Variants in UNC13C observed in about 807,000 individuals in gnomAD.
UNC13C encodes the protein unc-13 homolog C, also known as protein unc-13 homolog C.
In UNC13C, 174 loss-of-function variants were observed where a neutral mutation model predicts 245.4. The observed-to-expected ratio is 0.71, with a 90% CI of 0.63 to 0.80. UNC13C has a LOEUF of 0.80. UNC13C is among the 30% of genes least tolerant of loss of function. The pLI is 0.00. For synonymous variants in UNC13C, 992 were observed against 895.1 expected (o/e 1.11, Z -1.93); for missense variants, 2,829 against 2,602.9 (o/e 1.09, Z -1.89).
chr15:54,116,577 T>A (rs1391647292), intron 2 of UNC13C, among the ~76,000 whole-genome samples: 1 of 152,138 alleles, frequency 6.6e-6, no homozygotes, highest in Non-Finnish European at 1.5e-5. Flanking sequence ...TAACTTCCAG[T>A]TTCATCCATA....
intron 28 of UNC13C, among the ~76,000 whole-genome samples, chr15:54,552,183 T>A (rs12443186): frequency 9.1e-5 from 13 of 142,666 alleles, no homozygotes; most frequent in Admixed American, 3.1e-4. Context: ...TATTCAACAA[T>A]TTGACATTTT....
chr15:53,885,900 T>C, the UNC13C span, among the ~76,000 whole-genome samples: 1 of 152,172 alleles, frequency 6.6e-6, no homozygotes, highest in African/African-American at 2.4e-5. Flanking sequence ...ATAAGGTTGT[T>C]TCTCGTTGGG....
At chr15:54,334,185 G>A (rs2038514083) in intron 16 of UNC13C, among the ~76,000 whole-genome samples, 1 of 152,076 alleles carries the variant, frequency 6.6e-6, no homozygotes, top group Admixed American at 6.6e-5. Context: ...TCTAATTTTA[G>A]TTTTAACTTA....
intron 5 of UNC13C, among the ~76,000 whole-genome samples, chr15:54,235,833 G>C (rs1456853015): frequency 6.6e-6 from 1 of 152,164 alleles, no homozygotes; most frequent in African/African-American, 2.4e-5. Flanking sequence ...CTGCGTGACA[G>C]AGCGAGACTC....
intron 2 of UNC13C, among the ~76,000 whole-genome samples, chr15:54,125,944 T>A (rs2031008541): frequency 6.6e-6 from 1 of 152,098 alleles, no homozygotes; most frequent in South Asian, 2.1e-4. Flanking sequence ...GTAATTTTTA[T>A]GCAAAAGAAA....
the UNC13C span, among the ~76,000 whole-genome samples, chr15:53,946,819 C>A: frequency 6.6e-5 from 10 of 151,790 alleles, no homozygotes; most frequent in African/African-American, 2.4e-4. Context: ...AGATGTTGAA[C>A]CAACCTTGTA....
chr15:54,259,502 A>C (rs2036368075), intron 8 of UNC13C, among the ~76,000 whole-genome samples: 1 of 152,270 alleles, frequency 6.6e-6, no homozygotes, highest in Non-Finnish European at 1.5e-5. Context: ...ATCAGATCTC[A>C]TGAGACTTAT....
the UNC13C span, among the ~76,000 whole-genome samples, chr15:53,884,814 C>T: frequency 6.6e-6 from 1 of 152,174 alleles, no homozygotes; most frequent in African/African-American, 2.4e-5. Flanking sequence ...TAGTTCCCCC[C>T]TCTTTCCCTT....
At chr15:54,270,303 C>A (rs976082354) in intron 10 of UNC13C, among the ~76,000 whole-genome samples, 1 of 152,158 alleles carries the variant, frequency 6.6e-6, no homozygotes, top group African/African-American at 2.4e-5. Context: ...CTTCCCCTCC[C>A]CTGACAGTTC....
chr15:54,038,114 A>ATTTTTT (rs1896651811), intron 2 of UNC13C, among the ~76,000 whole-genome samples: 1 of 24,334 alleles, frequency 4.1e-5, no homozygotes, highest in Non-Finnish European at 7.1e-5. Context: ...ATATATATAT[A>ATTTTTT]TATATATATA....
chr15:54,175,054 C>G (rs755488930), intron 4 of UNC13C, among the ~76,000 whole-genome samples: 22 of 152,246 alleles, frequency 1.4e-4, no homozygotes, highest in Non-Finnish European at 2.2e-4. Flanking sequence ...GCAGAATAAC[C>G]TGCGCCTTTA....
At chr15:54,333,719 G>A (rs1436823408) in intron 15 of UNC13C, 48 bp from the exon 16 acceptor site, 3 of 1,267,284 alleles carry the variant, frequency 2.4e-6, no homozygotes, top group Non-Finnish European at 3.4e-6. Flanking sequence ...TTTCCCACTA[G>A]AAGTTTACTG....
At chr15:54,166,036 A>T (rs77408103) in intron 4 of UNC13C, among the ~76,000 whole-genome samples, 8,645 of 152,080 alleles carry the variant, frequency 0.057, 306 homozygotes, top group East Asian at 0.1. Context: ...AATTATCTTT[A>T]TTAAGGTTTG....
chr15:54,445,490 C>T (rs552228640), intron 19 of UNC13C, among the ~76,000 whole-genome samples: 55 of 152,254 alleles, frequency 3.6e-4, no homozygotes, highest in African/African-American at 9.6e-4. Flanking sequence ...TAATGATCTC[C>T]GTTCTCACTG....
intron 18 of UNC13C, 150 bp from the exon 19 acceptor site, chr15:54,414,832 T>A (rs1022157266): frequency 2.0e-6 from 1 of 508,752 alleles, no homozygotes; most frequent in African/African-American, 2.0e-5. Context: ...TTTTTTTTTT[T>A]ACTTACGAAA....
the UNC13C span, among the ~76,000 whole-genome samples, chr15:53,944,657 C>T: frequency 1.3e-5 from 2 of 152,056 alleles, no homozygotes; most frequent in African/African-American, 4.8e-5. Flanking sequence ...TTTTCTTTAC[C>T]CAGTCTGCCA....
intron 17 of UNC13C, among the ~76,000 whole-genome samples, chr15:54,339,172 T>C (rs2038666916): frequency 6.6e-6 from 1 of 152,206 alleles, no homozygotes; most frequent in African/African-American, 2.4e-5. Context: ...CTGGCCTATA[T>C]GTTAATTTAT....
rs1156460059 is a variant in UNC13C at position 54,297,920 on chromosome 15, A to G, written c.4098A>G (p.Leu1366=). ...VAPYHIQYTC[L]HENLFHYLTE... ...CATATCATATTCAATATACATGTTT[A>G]CATGAGGTAAATAAATGGAATTTTA... is the stretch of plus-strand genomic sequence containing the variant. Residue 1366 remains leucine, a synonymous_variant, in exon 12 of 33, where the codon TTA becomes TTG. Transcript: ENST00000260323. 1 of 1,552,800 alleles carries G rather than the reference A, an allele frequency of 6.4e-7. No individual in the cohort carries two copies. The highest frequency in any genetic ancestry group is 8.8e-7 in the Non-Finnish European group (1 of 1,137,374).
chr15:54,256,947 A>T (rs1368221912), intron 8 of UNC13C, among the ~76,000 whole-genome samples: 1 of 152,168 alleles, frequency 6.6e-6, no homozygotes, highest in African/African-American at 2.4e-5. Flanking sequence ...ACCACGTCTA[A>T]GTTTGGCGCT....
Sources: gnomAD v4.1 joint callset for allele counts (sites outside exome capture counted in the v4.1 genomes callset) on GRCh38, gnomAD v4.1.1 for gene constraint, MANE v1.5 for transcripts, NCBI Gene and HGNC (gene_info 2026-07-23, HGNC 2026-07-21) for gene names.